HMGCLL1: variants seen among roughly 807,000 people sequenced by gnomAD.
The protein encoded by HMGCLL1 is 3-hydroxymethyl-3-methylglutaryl-CoA lyase, cytoplasmic.
A neutral mutation model predicts 39.1 loss-of-function variants in HMGCLL1; 36 were observed. The ratio of observed to expected loss-of-function variants is 0.92; its 90% confidence interval spans 0.71 to 1.22. The LOEUF (loss-of-function observed/expected upper bound fraction) is 1.22. HMGCLL1 is among the 50% of genes most tolerant of loss of function. The pLI, the probability that HMGCLL1 is intolerant of heterozygous loss-of-function variation, is 0.00. For synonymous variants in HMGCLL1, 149 were observed against 144.0 expected (o/e 1.03, Z -0.25); for missense variants, 451 against 416.5 (o/e 1.08, Z -0.72).
intron 7 of HMGCLL1, among the ~76,000 whole-genome samples, chr6:55,482,835 C>T (rs958917499): frequency 6.6e-6 from 1 of 151,694 alleles, no homozygotes; most frequent in African/African-American, 2.4e-5. Context: ...AGAAAAGGTT[C>T]CCCCCCAAGA....
At chr6:55,507,819 A>T (rs895380270) in intron 5 of HMGCLL1, among the ~76,000 whole-genome samples, 3 of 151,854 alleles carry the variant, frequency 2.0e-5, no homozygotes, top group Non-Finnish European at 1.5e-5. Flanking sequence ...CTTCAACAGC[A>T]TGTCTGCTTT....
chr6:55,542,733 C>G (rs750078029), intron 1 of HMGCLL1, among the ~76,000 whole-genome samples: 2 of 149,098 alleles, frequency 1.3e-5, no homozygotes, highest in African/African-American at 2.5e-5. Context: ...GAGCTGAGAT[C>G]GTGCCATTGC....
At chr6:55,575,019 T>C (rs1243681096) in intron 1 of HMGCLL1, among the ~76,000 whole-genome samples, 1 of 152,060 alleles carries the variant, frequency 6.6e-6, no homozygotes, top group Non-Finnish European at 1.5e-5. Context: ...CAAAAGGGCA[T>C]TAATATGTGA....
chr6:55,668,508 T>C, the HMGCLL1 span, among the ~76,000 whole-genome samples: 7 of 151,852 alleles, frequency 4.6e-5, no homozygotes. Flanking sequence ...TTTACGTAAC[T>C]ATAAAACCTA....
the HMGCLL1 span, among the ~76,000 whole-genome samples, chr6:55,586,458 A>G: frequency 6.6e-6 from 1 of 151,870 alleles, no homozygotes; most frequent in Admixed American, 6.6e-5. Context: ...GGTTTGTTAC[A>G]TATGTATATA....
the HMGCLL1 span, among the ~76,000 whole-genome samples, chr6:55,598,688 T>A: frequency 6.6e-6 from 1 of 152,188 alleles, no homozygotes; most frequent in Non-Finnish European, 1.5e-5. Context: ...GATATCAAGT[T>A]CATTTATTGT....
the HMGCLL1 span, among the ~76,000 whole-genome samples, chr6:55,660,595 A>T: frequency 4.6e-5 from 7 of 151,910 alleles, no homozygotes; most frequent in Non-Finnish European, 4.4e-5. Flanking sequence ...TATGTACCAC[A>T]TTTCCTTTAT....
chr6:55,550,090 T>C (rs6919350), intron 1 of HMGCLL1, among the ~76,000 whole-genome samples: 100,870 of 151,780 alleles, frequency 0.66, 34,038 homozygotes, highest in Admixed American at 0.72. Flanking sequence ...CTTCTTGATA[T>C]GTGAACAGTG....
chr6:55,669,115 TAAAAAA>T, the HMGCLL1 span, among the ~76,000 whole-genome samples: 1 of 142,692 alleles, frequency 7.0e-6, no homozygotes, highest in South Asian at 2.2e-4. Context: ...AAGGAGGAAT[TAAAAAA>T]AAAAAAAAAG....
Position 55,434,816 on chromosome 6 carries a change from T to C in HMGCLL1, c.*846A>G, listed in dbSNP as rs1014237838. 4 of 152,080 alleles carry C rather than the reference T, an allele frequency of 2.6e-5. No homozygotes were observed. Among genetic ancestry groups the C allele is most frequent in the South Asian group, 4.1e-4 (2 of 4,832 alleles). 9.4% of individuals were successfully genotyped at this position (152,080 alleles called of 1,614,324 possible). On this transcript the variant is annotated 3_prime_UTR_variant, in exon 9 of 9. Transcript: ENST00000274901. ...TATCTTAATATTCTTAGGATCACAA[T>C]ATTTCCTTGGGCAATTTGAAAGTGA...
the HMGCLL1 span, among the ~76,000 whole-genome samples, chr6:55,607,992 A>G: frequency 6.6e-6 from 1 of 152,186 alleles, no homozygotes; most frequent in African/African-American, 2.4e-5. Context: ...AAAAAAATAA[A>G]TACTTCTGCT....
At chr6:55,654,657 T>A in the HMGCLL1 span, among the ~76,000 whole-genome samples, 1 of 151,876 alleles carries the variant, frequency 6.6e-6, no homozygotes, top group Admixed American at 6.6e-5. Flanking sequence ...CAGCACTTCC[T>A]GATCAAGCAC....
intron 7 of HMGCLL1, among the ~76,000 whole-genome samples, chr6:55,475,630 T>C (rs1243841535): frequency 6.6e-6 from 1 of 151,706 alleles, no homozygotes; most frequent in Non-Finnish European, 1.5e-5. Context: ...AATGTATCTT[T>C]TTATGAGCAG....
the HMGCLL1 span, among the ~76,000 whole-genome samples, chr6:55,650,080 CACACATAT>C: frequency 3.2e-5 from 2 of 62,030 alleles, no homozygotes; most frequent in South Asian, 1.1e-3. Flanking sequence ...TATATATACA[CACACATAT>C]ACATATATAT....
chr6:55,446,548 T>C (rs1478848095), intron 7 of HMGCLL1, among the ~76,000 whole-genome samples: 1 of 151,802 alleles, frequency 6.6e-6, no homozygotes. Context: ...TGGCAACTTT[T>C]TCTGGAGGAG....
chr6:55,595,231 T>A, the HMGCLL1 span, among the ~76,000 whole-genome samples: 1 of 152,160 alleles, frequency 6.6e-6, no homozygotes, highest in African/African-American at 2.4e-5. Context: ...AGAGACAACA[T>A]CCGAACAAAT....
chr6:55,483,390 C>T (rs553963183), intron 7 of HMGCLL1, among the ~76,000 whole-genome samples: 4 of 152,202 alleles, frequency 2.6e-5, no homozygotes, highest in South Asian at 2.1e-4. Flanking sequence ...CTCAGCCTCC[C>T]GAGTAGCTGG....
chr6:55,613,869 C>T, the HMGCLL1 span, among the ~76,000 whole-genome samples: 1 of 152,236 alleles, frequency 6.6e-6, no homozygotes, highest in African/African-American at 2.4e-5. Context: ...AGCAAACCAC[C>T]ATGGCATACC....
intron 3 of HMGCLL1, 143 bp from the exon 4 acceptor site, chr6:55,516,746 T>A: frequency 2.0e-6 from 1 of 490,188 alleles, no homozygotes; most frequent in Non-Finnish European, 3.7e-6. Flanking sequence ...CCAGTGAATG[T>A]AAAGGAAAGT....
Sources: allele counts gnomAD v4.1 joint callset (sites outside exome capture counted in the v4.1 genomes callset), GRCh38; gene constraint gnomAD v4.1.1; transcripts MANE v1.5; gene names NCBI Gene and HGNC (gene_info 2026-07-23, HGNC 2026-07-21).